Variants in CA10 observed in about 807,000 individuals in gnomAD.
The protein encoded by CA10 is carbonic anhydrase 10 (inactive), also known as carbonic anhydrase-related protein 10.
Under a neutral mutation model 44.2 loss-of-function variants are expected in CA10, and 14 were observed. That is an observed-to-expected ratio of 0.32 (90% CI 0.21 to 0.50). The LOEUF is 0.50. CA10 is among the 20% of genes least tolerant of loss of function. The pLI is 0.99. For missense variants in CA10, 350 were observed against 409.7 expected (o/e 0.85, Z 1.26); for synonymous variants, 159 against 141.6 (o/e 1.12, Z -0.87).
intron 3 of CA10, among the ~76,000 whole-genome samples, chr17:51,767,996 G>A (rs1905453952): frequency 6.6e-6 from 1 of 151,988 alleles, no homozygotes; most frequent in Non-Finnish European, 1.5e-5. Flanking sequence ...GATCTTACCA[G>A]TTTTTTCACT....
intron 2 of CA10, among the ~76,000 whole-genome samples, chr17:51,952,238 A>G (rs192083997): frequency 2.6e-5 from 4 of 152,312 alleles, no homozygotes; most frequent in African/African-American, 9.6e-5. Context: ...TGCTATAACA[A>G]GTATCACACA....
chr17:51,998,694 G>C (rs1985322179), intron 2 of CA10, among the ~76,000 whole-genome samples: 1 of 151,938 alleles, frequency 6.6e-6, no homozygotes, highest in Non-Finnish European at 1.5e-5. Flanking sequence ...CACACCACAG[G>C]GAAAGAGTCT....
intron 3 of CA10, among the ~76,000 whole-genome samples, chr17:51,783,698 A>AG (rs1304696752): frequency 3.3e-5 from 5 of 152,348 alleles, no homozygotes; most frequent in East Asian, 3.9e-4. Context: ...GTTGGTTTAA[A>AG]GGGGGGTCCT....
intron 2 of CA10, among the ~76,000 whole-genome samples, chr17:51,953,535 T>A (rs1983561657): frequency 6.6e-6 from 1 of 152,022 alleles, no homozygotes; most frequent in African/African-American, 2.4e-5. Flanking sequence ...TGCAATACGT[T>A]TGTAGATTAG....
chr17:51,808,582 T>G (rs879544869), intron 3 of CA10, among the ~76,000 whole-genome samples: 4 of 152,170 alleles, frequency 2.6e-5, no homozygotes, highest in Admixed American at 6.5e-5. Flanking sequence ...TAGAAGCTAA[T>G]AGAAAGCAAA....
At chr17:51,777,714 T>G (rs986406197) in intron 3 of CA10, among the ~76,000 whole-genome samples, 1 of 152,204 alleles carries the variant, frequency 6.6e-6, no homozygotes, top group Admixed American at 6.5e-5. Flanking sequence ...GTGGACTGCT[T>G]GAGCCTAAGA....
At chr17:51,994,326 A>G (rs1386290398) in intron 2 of CA10, among the ~76,000 whole-genome samples, 2 of 152,100 alleles carry the variant, frequency 1.3e-5, no homozygotes, top group Non-Finnish European at 2.9e-5. Context: ...ATGATGTATT[A>G]AGACCCTACA....
intron 4 of CA10, among the ~76,000 whole-genome samples, chr17:51,728,049 C>G (rs930183966): frequency 2.6e-5 from 4 of 152,036 alleles, no homozygotes; most frequent in Non-Finnish European, 5.9e-5. Flanking sequence ...CCACACCCAG[C>G]TAATTTTTTG....
chr17:51,651,406 A>T (rs1913558922), intron 5 of CA10, among the ~76,000 whole-genome samples: 1 of 152,180 alleles, frequency 6.6e-6, no homozygotes, highest in Non-Finnish European at 1.5e-5. Context: ...ATATGGAGGG[A>T]AGACAGAAAT....
At chr17:51,842,774 T>G (rs1978341979) in intron 3 of CA10, among the ~76,000 whole-genome samples, 1 of 152,114 alleles carries the variant, frequency 6.6e-6, no homozygotes, top group Non-Finnish European at 1.5e-5. Flanking sequence ...CTGAGAAAGT[T>G]AACAGTATAT....
chr17:52,009,595 T>C (rs1437956771), intron 2 of CA10, among the ~76,000 whole-genome samples: 5 of 152,030 alleles, frequency 3.3e-5, no homozygotes, highest in African/African-American at 1.2e-4. Flanking sequence ...GCTTTTAGAA[T>C]ACCTCTAAAG....
intron 3 of CA10, among the ~76,000 whole-genome samples, chr17:51,888,735 T>C (rs938352620): frequency 1.1e-4 from 17 of 152,240 alleles, no homozygotes; most frequent in African/African-American, 3.6e-4. Context: ...CACTGAGATT[T>C]GTGGAAACTG....
At chr17:51,815,745 C>T (rs1248997477) in intron 3 of CA10, among the ~76,000 whole-genome samples, 1 of 151,982 alleles carries the variant, frequency 6.6e-6, no homozygotes, top group East Asian at 1.9e-4. Context: ...AAAAAATGTC[C>T]TCTTTAAAAA....
At chr17:51,831,684 G>T (rs112766497) in intron 3 of CA10, among the ~76,000 whole-genome samples, 13 of 57,434 alleles carry the variant, frequency 2.3e-4, no homozygotes, top group African/African-American at 3.7e-4. Context: ...AGCAGCAGCA[G>T]CAGCAGCAGC....
At chr17:51,652,990 A>G (rs1913635285) in intron 5 of CA10, among the ~76,000 whole-genome samples, 1 of 123,388 alleles carries the variant, frequency 8.1e-6, no homozygotes, top group South Asian at 2.6e-4. Flanking sequence ...CTAAAATGTT[A>G]AAGGTAATTA....
chr17:51,816,202 A>T (rs566309315), intron 3 of CA10, among the ~76,000 whole-genome samples: 1 of 152,344 alleles, frequency 6.6e-6, no homozygotes, highest in South Asian at 2.1e-4. Context: ...TTCACCTCAC[A>T]TAATGATCTT....
At chr17:51,986,840 CA>C (rs1984855766) in intron 2 of CA10, among the ~76,000 whole-genome samples, 2 of 151,236 alleles carry the variant, frequency 1.3e-5, no homozygotes, top group African/African-American at 4.9e-5. Flanking sequence ...TGGCCATAAT[CA>C]AAAAATGAAA....
chr17:52,061,146 A>G (rs1354716406), intron 2 of CA10, among the ~76,000 whole-genome samples: 1 of 152,210 alleles, frequency 6.6e-6, no homozygotes, highest in African/African-American at 2.4e-5. Flanking sequence ...TATATTTTGC[A>G]GATATGATTA....
chr17:51,862,160 C>T (rs1979339297), intron 3 of CA10, among the ~76,000 whole-genome samples: 2 of 152,190 alleles, frequency 1.3e-5, no homozygotes, highest in African/African-American at 2.4e-5. Context: ...TAAATTTCAA[C>T]TCCTTGAAGA....
Sources: allele counts gnomAD v4.1 joint callset (sites outside exome capture counted in the v4.1 genomes callset), GRCh38; gene constraint gnomAD v4.1.1; transcripts MANE v1.5; gene names NCBI Gene and HGNC (gene_info 2026-07-23, HGNC 2026-07-21).